Variants in HMGXB4 observed in about 807,000 individuals in gnomAD.
The protein encoded by HMGXB4 is HMG-box containing 4, also known as HMG domain-containing protein 4.
Under a neutral mutation model 63.9 loss-of-function variants are expected in HMGXB4, and 27 were observed. The observed-to-expected ratio is 0.42, with a 90% CI of 0.31 to 0.58. The LOEUF (loss-of-function observed/expected upper bound fraction) is 0.58. Among genes scored for constraint, HMGXB4 ranks in the 20% least tolerant of loss-of-function variants. The probability of loss-of-function intolerance (pLI) is 0.13; values close to 1 mark genes in which losing one functional copy is unlikely to be tolerated. For synonymous variants in HMGXB4, 264 were observed against 265.3 expected, an observed-to-expected ratio of 0.99 and a Z score of 0.05; for missense variants, 624 against 700.7, an observed-to-expected ratio of 0.89 and a Z score of 1.24.
intron 6 of HMGXB4, among the ~76,000 whole-genome samples, chr22:35,284,689 G>A (rs1236354594): frequency 6.6e-6 from 1 of 152,196 alleles, no homozygotes; most frequent in Non-Finnish European, 1.5e-5. Flanking sequence ...TTTTTACTGA[G>A]TGCATATTGC....
At chr22:35,252,063 A>C in the HMGXB4 span, among the ~76,000 whole-genome samples, 1 of 152,066 alleles carries the variant, frequency 6.6e-6, no homozygotes, top group Admixed American at 6.6e-5. Flanking sequence ...AAAAATACAA[A>C]AATTAGCCGG....
chr22:35,259,557 TA>T (rs3215442), intron 1 of HMGXB4, among the ~76,000 whole-genome samples: 75,707 of 152,032 alleles, frequency 0.5, 22,373 homozygotes, highest in Non-Finnish European at 0.65. Flanking sequence ...TGATCTTATA[TA>T]AATGTTGCCT....
At chr22:35,274,298 C>A (rs1035833157) in intron 5 of HMGXB4, among the ~76,000 whole-genome samples, 1 of 152,140 alleles carries the variant, frequency 6.6e-6, no homozygotes, top group African/African-American at 2.4e-5. Context: ...CTGTGAAGTC[C>A]CTGAGACGCC....
At chr22:35,271,767 T>C (rs76727038) in intron 5 of HMGXB4, among the ~76,000 whole-genome samples, 2,849 of 152,326 alleles carry the variant, frequency 0.019, 89 homozygotes, top group African/African-American at 0.064. Context: ...TTGACATCTC[T>C]CAGATACCTT....
chr22:35,272,190 A>G (rs989128537), intron 5 of HMGXB4, among the ~76,000 whole-genome samples: 1 of 152,160 alleles, frequency 6.6e-6, no homozygotes, highest in African/African-American at 2.4e-5. Flanking sequence ...TGGAGGAGAA[A>G]CACAGAAGGG....
Position 35,265,621 on chromosome 22 carries a change from TGTG to T in HMGXB4, c.1215+23_1215+25del, listed in dbSNP as rs1352692830. On this transcript the variant is annotated intron_variant, in intron 5 of 10. Transcript: ENST00000216106. The stretch of plus-strand genomic sequence containing the variant: ...GAGAAAAGGTAAAGCATCTTTTAAG[TGTG>T]GTGGGGGTAAGAGATTAAGCAGGTT... 2 of 1,532,218 alleles carry T rather than the reference TGTG, an allele frequency of 1.3e-6. No homozygotes were observed. The highest frequency in any genetic ancestry group is 2.2e-5 in the Admixed American group (1 of 45,760). 94.9% of individuals were successfully genotyped at this position (1,532,218 alleles called of 1,614,324 possible). A position where few individuals can be genotyped will look rare whatever the true frequency, so the allele number is the denominator to read the frequency against.
chr22:35,253,590 T>C (rs890086871), upstream of HMGXB4, among the ~76,000 whole-genome samples: 9 of 147,260 alleles, frequency 6.1e-5, no homozygotes, highest in African/African-American at 2.2e-4. Flanking sequence ...AGTTCTTCTC[T>C]TGGATTTTGT....
intron 9 of HMGXB4, among the ~76,000 whole-genome samples, chr22:35,290,594 G>A (rs952447026): frequency 7.4e-6 from 1 of 135,506 alleles, no homozygotes; most frequent in Non-Finnish European, 1.5e-5. Context: ...TTGCGCCACT[G>A]CACTCCAGCC....
chr22:35,293,163 T>C lies in HMGXB4; in HGVS notation c.1761+49T>C, dbSNP rs199862663. The C allele has an allele frequency of 1.5e-5, 24 of 1,607,126 alleles. No individual in the cohort carries two copies. In the African/African-American group the frequency reaches 3.1e-4, roughly 21 times the overall value. ...AGTCAGATCCATTGGGCGTCAGAGA[T>C]GCCCTGCCTTAATGAGCACTGTCAG... On this transcript the variant is annotated intron_variant, in intron 10 of 10. Transcript: ENST00000216106.
At chr22:35,277,050 A>T (rs1923951329) in intron 5 of HMGXB4, among the ~76,000 whole-genome samples, 1 of 152,230 alleles carries the variant, frequency 6.6e-6, no homozygotes. Flanking sequence ...AATTTAAAAC[A>T]ACATCCATTT....
upstream of HMGXB4, among the ~76,000 whole-genome samples, chr22:35,253,683 T>G (rs1485293915): frequency 6.6e-6 from 1 of 152,066 alleles, no homozygotes; most frequent in East Asian, 1.9e-4. Context: ...CAGGAGACTA[T>G]AAAGATGTAA....
intron 6 of HMGXB4, among the ~76,000 whole-genome samples, chr22:35,285,662 G>A (rs1001180900): frequency 6.6e-6 from 1 of 152,190 alleles, no homozygotes; most frequent in Non-Finnish European, 1.5e-5. Flanking sequence ...GGTGGTTGAG[G>A]CTGCTGTGAG....
At chr22:35,288,504 C>A in intron 9 of HMGXB4, 97 bp downstream of exon 9, 1 of 875,964 alleles carries the variant, frequency 1.1e-6, no homozygotes, top group Non-Finnish European at 1.6e-6. Context: ...TATTGAGCAT[C>A]TACTTTATGC....
intron 5 of HMGXB4, among the ~76,000 whole-genome samples, chr22:35,273,189 C>G (rs1438728256): frequency 1.3e-5 from 2 of 152,166 alleles, no homozygotes; most frequent in Non-Finnish European, 2.9e-5. Flanking sequence ...AGAAATTAGT[C>G]ACTACCATCT....
At chr22:35,246,509 G>A in the HMGXB4 span, among the ~76,000 whole-genome samples, 3 of 152,258 alleles carry the variant, frequency 2.0e-5, no homozygotes, top group African/African-American at 4.8e-5. Flanking sequence ...TCCTGACCTC[G>A]TGTTCCACCT....
At chr22:35,282,302 G>A (rs1263755075) in intron 5 of HMGXB4, among the ~76,000 whole-genome samples, 4 of 152,060 alleles carry the variant, frequency 2.6e-5, no homozygotes, top group East Asian at 1.9e-4. Flanking sequence ...TCAGCCTCCC[G>A]AGTAGCTGGG....
In HMGXB4 at chr22:35,278,877, CAAA is replaced by C. The variant is rs35984118; in HGVS notation, c.1216-5067_1216-5065del. ...GCAGCATAGCAAGACTGCATCTCTA[CAAA>C]AAAAAAAAAAAAAAAAATTAGCCAG... is the stretch of plus-strand genomic sequence containing the variant. On this transcript the variant is annotated intron_variant, in intron 5 of 10. Transcript: ENST00000216106. Among the ~76,000 whole-genome samples, 841 of 108,382 alleles carry C rather than the reference CAAA, an allele frequency of 7.8e-3. 7 individuals carry two copies. The highest frequency in any genetic ancestry group is 0.031 in the African/African-American group (669 of 21,630). The allele number at this position is 108,382 out of a possible 152,430, so 71.1% of individuals were successfully genotyped here. A position where few individuals can be genotyped will look rare whatever the true frequency, so the allele number is the denominator to read the frequency against.
intron 5 of HMGXB4, among the ~76,000 whole-genome samples, chr22:35,277,193 T>C (rs1421417889): frequency 1.3e-5 from 2 of 152,178 alleles, no homozygotes; most frequent in African/African-American, 4.8e-5. Flanking sequence ...CTCATTCAAG[T>C]TGTTGGCAGC....
At chr22:35,253,598 T>G (rs1233970985), upstream of HMGXB4, among the ~76,000 whole-genome samples, 1 of 100,292 alleles carries the variant, frequency 1.0e-5, no homozygotes, top group African/African-American at 2.7e-5. Flanking sequence ...TCTTGGATTT[T>G]GTGCGCGCGC....
Sources: allele counts gnomAD v4.1 joint callset (sites outside exome capture counted in the v4.1 genomes callset), GRCh38; gene constraint gnomAD v4.1.1; transcripts MANE v1.5; gene names NCBI Gene and HGNC (gene_info 2026-07-23, HGNC 2026-07-21).